SDK1: variants seen among roughly 807,000 people sequenced by gnomAD.
SDK1 encodes sidekick cell adhesion molecule 1.
In SDK1, 157 loss-of-function variants were observed where a neutral mutation model predicts 245.5. The observed-to-expected ratio is 0.64, with a 90% CI of 0.56 to 0.73. The LOEUF is 0.73. Among genes scored for constraint, SDK1 ranks in the 30% least tolerant of loss-of-function variants. The pLI, the probability that SDK1 is intolerant of heterozygous loss-of-function variation, is 0.00. For missense variants in SDK1, 3,583 were observed against 3,002.3 expected, an observed-to-expected ratio of 1.19 and a Z score of -4.52; for synonymous variants, 1,647 against 1,278.5, an observed-to-expected ratio of 1.29 and a Z score of -6.15.
At chr7:3,440,171 C>T (rs1780153799) in intron 1 of SDK1, among the ~76,000 whole-genome samples, 1 of 152,138 alleles carries the variant, frequency 6.6e-6, no homozygotes, top group Admixed American at 6.5e-5. Context: ...TGGAATCTCG[C>T]ACCATCCCTT....
At chr7:3,410,334 A>G (rs1779166133) in intron 1 of SDK1, among the ~76,000 whole-genome samples, 1 of 152,146 alleles carries the variant, frequency 6.6e-6, no homozygotes, top group Non-Finnish European at 1.5e-5. Flanking sequence ...TAAGGTGTTT[A>G]TGAAACACCT....
Position 4,217,530 on chromosome 7 carries a change from C to G in SDK1, c.5540-2579C>G, listed in dbSNP as rs1191692771. 2.8e-3 allele frequency among the ~76,000 whole-genome samples: 282 copies of G among 99,040 alleles called. 3 individuals carry two copies. Among genetic ancestry groups the G allele is most frequent in the Non-Finnish European group, 4.5e-3 (207 of 46,384 alleles). 65.0% of individuals were successfully genotyped at this position (99,040 alleles called of 152,430 possible). A position where few individuals can be genotyped will look rare whatever the true frequency, so the allele number is the denominator to read the frequency against. On this transcript the variant is annotated intron_variant, in intron 38 of 44. Transcript: ENST00000404826. ...GAGCACCACACCACCCGGAGCACCACACCACCCGGAGCACCAGGCCACCCG... is the reference window on the plus strand; with the variant it reads ...GAGCACCACACCACCCGGAGCACCAGACCACCCGGAGCACCAGGCCACCCG...
chr7:4,040,335 A>C (rs1421646898), intron 17 of SDK1, among the ~76,000 whole-genome samples: 1 of 152,144 alleles, frequency 6.6e-6, no homozygotes, highest in Non-Finnish European at 1.5e-5. Flanking sequence ...GTGTGCTCAG[A>C]GTCTGTAGTC....
chr7:4,037,247 A>G (rs1175188580), intron 17 of SDK1, among the ~76,000 whole-genome samples: 1 of 152,244 alleles, frequency 6.6e-6, no homozygotes, highest in African/African-American at 2.4e-5. Context: ...ATTAAATCGA[A>G]CAAGCTTCGA....
At position 4,267,501 on chromosome 7, in the gene SDK1, C is replaced by T. The variant is rs141017875; in HGVS notation, c.*2117C>T. On this transcript the variant is annotated 3_prime_UTR_variant, in exon 45 of 45. Coordinates refer to ENST00000404826, the MANE Select transcript of SDK1 (RefSeq NM_152744.4). ...AGTGCCACCTCCTTCCCCTCGGCCC[C>T]GGAGAGGGCGAAGTGGGCGGGAAGC... 28 of 985,426 alleles carry T rather than the reference C, an allele frequency of 2.8e-5. No homozygotes were observed. The highest frequency in any genetic ancestry group is 5.2e-5 in the African/African-American group (3 of 57,350). 61.0% of individuals were successfully genotyped at this position (985,426 alleles called of 1,614,324 possible).
intron 28 of SDK1, among the ~76,000 whole-genome samples, chr7:4,139,827 C>T (rs1475472001): frequency 6.6e-6 from 1 of 152,010 alleles, no homozygotes; most frequent in African/African-American, 2.4e-5. Flanking sequence ...AGCACCGCAT[C>T]AGAGGGCCTC....
chr7:4,205,668 G>T (rs1022624481), intron 35 of SDK1, among the ~76,000 whole-genome samples: 2 of 152,240 alleles, frequency 1.3e-5, no homozygotes, highest in Non-Finnish European at 2.9e-5. Context: ...TGGCATAAAA[G>T]GGCTGAGAGC....
At chr7:3,363,793 C>G (rs1589545) in intron 1 of SDK1, among the ~76,000 whole-genome samples, 114,138 of 152,194 alleles carry the variant, frequency 0.75, 43,182 homozygotes, top group African/African-American at 0.84. Flanking sequence ...GTCCACTGCT[C>G]CCCTCCTGCT....
At chr7:4,231,559 G>C (rs1430136693) in intron 40 of SDK1, among the ~76,000 whole-genome samples, 2 of 148,894 alleles carry the variant, frequency 1.3e-5, no homozygotes, top group East Asian at 3.9e-4. Context: ...TGTGGACAGA[G>C]GAGGGCCCGG....
At chr7:3,610,056 A>G (rs926165136) in intron 1 of SDK1, among the ~76,000 whole-genome samples, 2 of 152,212 alleles carry the variant, frequency 1.3e-5, no homozygotes, top group Non-Finnish European at 2.9e-5. Context: ...CTCAAATCAC[A>G]TATTATTACT....
At position 4,237,702 on chromosome 7, in the gene SDK1, G is replaced by C. The variant is rs762223938; in HGVS notation, c.6048G>C (p.Leu2016=). ...EEWWFLLVMA[L]SSLIVILLVV... is the part of the protein sequence containing the mutation. ...GGTGGTTCCTCCTGGTGATGGCTCT[G>C]TCCAGCCTGATCGTCATCCTGCTGG... The change falls in exon 42 of 45, where the codon CTG becomes CTC. Residue 2016 remains leucine, a synonymous_variant. Coordinates refer to ENST00000404826, the MANE Select transcript of SDK1 (RefSeq NM_152744.4). 1 of 1,614,126 alleles carries C rather than the reference G, an allele frequency of 6.2e-7. No homozygotes were observed. Among genetic ancestry groups the C allele is most frequent in the South Asian group, 1.1e-5 (1 of 91,076 alleles).
At chr7:3,400,261 G>A (rs1166048627) in intron 1 of SDK1, among the ~76,000 whole-genome samples, 1 of 152,140 alleles carries the variant, frequency 6.6e-6, no homozygotes, top group Non-Finnish European at 1.5e-5. Flanking sequence ...CCAAGATTCA[G>A]CAGCTTTCCT....
At chr7:3,894,657 C>G (rs1354691484) in intron 5 of SDK1, among the ~76,000 whole-genome samples, 1 of 151,840 alleles carries the variant, frequency 6.6e-6, no homozygotes, top group South Asian at 2.1e-4. Context: ...CACTATACAC[C>G]AGGTGTGTAT....
At chr7:3,348,717 A>G (rs1583720194) in intron 1 of SDK1, among the ~76,000 whole-genome samples, 1 of 152,208 alleles carries the variant, frequency 6.6e-6, no homozygotes, top group East Asian at 1.9e-4. Context: ...TTGTTTTTCA[A>G]AAAGTGAGCT....
At position 4,221,496 on chromosome 7, in the gene SDK1, T is replaced by C. The variant is rs1246013515; in HGVS notation, c.5827+132T>C. 4.9e-5 allele frequency: 58 copies of C among 1,175,466 alleles called. No homozygotes were observed. In the East Asian group the frequency reaches 6.2e-4, roughly 13 times the overall value. 72.8% of individuals were successfully genotyped at this position (1,175,466 alleles called of 1,614,324 possible). ...CAAAGCTGGGACCAAGAGGGCGGTT[T>C]TGGTGAAAGAAGACATCCATGGCTC... On this transcript the variant is annotated intron_variant, in intron 40 of 44. Coordinates refer to ENST00000404826, the MANE Select transcript of SDK1 (RefSeq NM_152744.4).
At chr7:4,033,050 T>A (rs1201443031) in intron 17 of SDK1, among the ~76,000 whole-genome samples, 2 of 152,242 alleles carry the variant, frequency 1.3e-5, no homozygotes, top group African/African-American at 4.8e-5. Context: ...ACTAGTCTCC[T>A]TTAGGTATTA....
chr7:3,642,533 A>G (rs1392091241), intron 4 of SDK1, among the ~76,000 whole-genome samples: 1 of 152,074 alleles, frequency 6.6e-6, no homozygotes, highest in East Asian at 1.9e-4. Flanking sequence ...GCTTTCTCTG[A>G]CGATAAAACA....
intron 1 of SDK1, among the ~76,000 whole-genome samples, chr7:3,608,271 G>A (rs185452495): frequency 5.9e-5 from 9 of 152,310 alleles, no homozygotes; most frequent in African/African-American, 1.7e-4. Context: ...CTCTTCTGCT[G>A]TACGCCAAAA....
At chr7:3,556,252 C>T (rs1410932334) in intron 1 of SDK1, among the ~76,000 whole-genome samples, 1 of 152,080 alleles carries the variant, frequency 6.6e-6, no homozygotes, top group Non-Finnish European at 1.5e-5. Flanking sequence ...AAATGAGATC[C>T]TGTCATTTGC....
Sources: allele counts gnomAD v4.1 joint callset (sites outside exome capture counted in the v4.1 genomes callset), GRCh38; gene constraint gnomAD v4.1.1; transcripts MANE v1.5; gene names NCBI Gene and HGNC (gene_info 2026-07-23, HGNC 2026-07-21).